Variants in SLC25A26 observed in about 807,000 individuals in gnomAD.
SLC25A26 encodes mitochondrial S-adenosylmethionine carrier protein.
In SLC25A26, 36 loss-of-function variants were observed where a neutral mutation model predicts 37.8. That is an observed-to-expected ratio of 0.95 (90% CI 0.73 to 1.26). The LOEUF is 1.26. Among genes scored for constraint, SLC25A26 ranks in the 50% most tolerant of loss-of-function variants. The pLI, the probability that SLC25A26 is intolerant of heterozygous loss-of-function variation, is 0.00. For synonymous variants in SLC25A26, 129 were observed against 122.5 expected, an observed-to-expected ratio of 1.05 and a Z score of -0.35; for missense variants, 390 against 331.1, an observed-to-expected ratio of 1.18 and a Z score of -1.38.
In SLC25A26 at chr3:66,229,982, G is replaced by A. The variant is rs182380201; in HGVS notation, c.34-6562G>A. On this transcript the variant is annotated intron_variant, in intron 1 of 9. Coordinates refer to ENST00000354883, the MANE Select transcript of SLC25A26 (RefSeq NM_001379210.1). Reference sequence around the variant, plus strand: ...GGTCATGGTGGCTGAGGAATGCTGCGAAGAATAGCAGCAGATAGCTGACCC... The same window carrying A: ...GGTCATGGTGGCTGAGGAATGCTGCAAAGAATAGCAGCAGATAGCTGACCC... Among the ~76,000 whole-genome samples, 76 of 152,314 alleles carry A rather than the reference G, an allele frequency of 5.0e-4. No individual in the cohort carries two copies. The Middle Eastern group carries it at 0.014, about 27-fold the overall frequency.
intron 5 of SLC25A26, among the ~76,000 whole-genome samples, chr3:66,310,731 T>A (rs2075353697): frequency 6.6e-6 from 1 of 152,220 alleles, no homozygotes; most frequent in Non-Finnish European, 1.5e-5. Flanking sequence ...TAAAGGATTT[T>A]ATTTCTTCTT....
intron 9 of SLC25A26, chr3:66,371,369 C>T: frequency 6.5e-7 from 1 of 1,533,002 alleles, no homozygotes; most frequent in African/African-American, 1.4e-5. Context: ...GTACCTTTGG[C>T]AGTTTTAATC....
chr3:66,203,628 G>A (rs2071137030), intron 1 of SLC25A26, among the ~76,000 whole-genome samples: 1 of 152,112 alleles, frequency 6.6e-6, no homozygotes, highest in African/African-American at 2.4e-5. Context: ...TTAGAGCATG[G>A]TTTTTAACTG....
intron 1 of SLC25A26, among the ~76,000 whole-genome samples, chr3:66,228,225 C>T (rs1553661562): frequency 6.6e-6 from 1 of 152,208 alleles, no homozygotes; most frequent in African/African-American, 2.4e-5. Flanking sequence ...TGATAACCAC[C>T]ACTGTGATGG....
chr3:66,328,371 G>C (rs1443019094), intron 5 of SLC25A26, among the ~76,000 whole-genome samples: 2 of 152,170 alleles, frequency 1.3e-5, no homozygotes, highest in Non-Finnish European at 2.9e-5. Flanking sequence ...GTGAATCAGT[G>C]TTAGACCTTC....
At chr3:66,231,691 T>A (rs1450961997) in intron 1 of SLC25A26, among the ~76,000 whole-genome samples, 1 of 152,136 alleles carries the variant, frequency 6.6e-6, no homozygotes, top group Non-Finnish European at 1.5e-5. Context: ...TAGCATATAT[T>A]GTTTTATAGC....
intron 1 of SLC25A26, among the ~76,000 whole-genome samples, chr3:66,203,122 T>G (rs2106816696): frequency 6.6e-6 from 1 of 152,310 alleles, no homozygotes; most frequent in Non-Finnish European, 1.5e-5. Context: ...GGCTAACACC[T>G]GTAATCCCAA....
At chr3:66,276,957 G>GGA (rs397875991) in intron 5 of SLC25A26, among the ~76,000 whole-genome samples, 21,002 of 124,538 alleles carry the variant, frequency 0.17, 3,207 homozygotes, top group African/African-American at 0.41. Context: ...GGCACTGTTT[G>GGA]AAAAAAAAAA....
chr3:66,312,641 G>C (rs2107608627), intron 5 of SLC25A26, among the ~76,000 whole-genome samples: 1 of 152,318 alleles, frequency 6.6e-6, no homozygotes, highest in South Asian at 2.1e-4. Context: ...AGGCACTAGA[G>C]GGAATCTCCT....
At chr3:66,149,028 A>G (rs550392281) in intron 1 of SLC25A26, among the ~76,000 whole-genome samples, 1 of 152,252 alleles carries the variant, frequency 6.6e-6, no homozygotes, top group African/African-American at 2.4e-5. Flanking sequence ...ACACTGTAGG[A>G]TGTAATCAAG....
intron 8 of SLC25A26, 146 bp downstream of exon 8, chr3:66,369,688 C>T (rs1700244553): frequency 4.5e-6 from 3 of 660,928 alleles, no homozygotes; most frequent in Non-Finnish European, 8.0e-6. Context: ...AACAAAACTG[C>T]CATTGATGGA....
At chr3:66,181,772 C>T (rs1160948639) in intron 1 of SLC25A26, among the ~76,000 whole-genome samples, 2 of 149,144 alleles carry the variant, frequency 1.3e-5, no homozygotes, top group African/African-American at 2.5e-5. Context: ...CTGATCCCCT[C>T]CCCTTGTCTT....
intron 5 of SLC25A26, among the ~76,000 whole-genome samples, chr3:66,276,580 G>A (rs780260105): frequency 2.6e-5 from 4 of 151,946 alleles, no homozygotes; most frequent in African/African-American, 4.8e-5. Context: ...ATCCTTTTTC[G>A]TCTGGCCTTT....
In SLC25A26 at chr3:66,245,432, A is replaced by G. The variant is rs928819779; in HGVS notation, c.300+2120A>G. On this transcript the variant is annotated intron_variant, in intron 3 of 9. Coordinates refer to ENST00000354883, the MANE Select transcript of SLC25A26 (RefSeq NM_001379210.1). ...TTTCAAATCACACAGCCTGGTATTC[A>G]TGCAGTCTTATTAAACCCCCATCCT... Among the ~76,000 whole-genome samples, 10 of 152,254 alleles carry G rather than the reference A, an allele frequency of 6.6e-5. No homozygotes were observed. In the East Asian group the frequency reaches 1.7e-3, roughly 26 times the overall value.
intron 1 of SLC25A26, among the ~76,000 whole-genome samples, chr3:66,186,597 C>T (rs1217192631): frequency 6.6e-6 from 1 of 152,078 alleles, no homozygotes; most frequent in African/African-American, 2.4e-5. Flanking sequence ...TGAACTTGAC[C>T]ATCAATCTGA....
At chr3:66,217,089 T>A (rs2071373263), upstream of SLC25A26, among the ~76,000 whole-genome samples, 1 of 152,210 alleles carries the variant, frequency 6.6e-6, no homozygotes, top group South Asian at 2.1e-4. Context: ...CCTGATAAAT[T>A]ACATTTCCCT....
intron 1 of SLC25A26, among the ~76,000 whole-genome samples, chr3:66,177,631 G>A (rs933434923): frequency 3.9e-5 from 6 of 152,338 alleles, no homozygotes; most frequent in Non-Finnish European, 7.3e-5. Flanking sequence ...TCTGTCCTGT[G>A]ACTGCCCAGG....
chr3:66,345,963 C>A (rs2076312827), intron 5 of SLC25A26, among the ~76,000 whole-genome samples: 1 of 152,186 alleles, frequency 6.6e-6, no homozygotes, highest in Admixed American at 6.5e-5. Flanking sequence ...GAGGCCAAGT[C>A]AGGTGGATTG....
chr3:66,180,869 G>A (rs1459682653), intron 1 of SLC25A26, among the ~76,000 whole-genome samples: 2 of 152,168 alleles, frequency 1.3e-5, no homozygotes. Flanking sequence ...GGGCCATAAG[G>A]ATGTAATTAA....
Sources: gnomAD v4.1 joint callset for allele counts (sites outside exome capture counted in the v4.1 genomes callset) on GRCh38, gnomAD v4.1.1 for gene constraint, MANE v1.5 for transcripts, NCBI Gene and HGNC (gene_info 2026-07-23, HGNC 2026-07-21) for gene names.